SGCZ: variants seen among roughly 807,000 people sequenced by gnomAD.
The protein encoded by SGCZ is sarcoglycan zeta.
SGCZ carries 40 observed loss-of-function variants against 41.3 expected under a neutral mutation model. That is an observed-to-expected ratio of 0.97 (90% CI 0.75 to 1.26). The LOEUF is 1.26. SGCZ is among the 50% of genes most tolerant of loss of function. The pLI is 0.00. For synonymous variants in SGCZ, 206 were observed against 137.5 expected, an observed-to-expected ratio of 1.50 and a Z score of -3.49; for missense variants, 552 against 369.8, an observed-to-expected ratio of 1.49 and a Z score of -4.04.
intron 1 of SGCZ, among the ~76,000 whole-genome samples, chr8:14,730,191 A>C (rs919820382): frequency 6.6e-6 from 1 of 152,214 alleles, no homozygotes; most frequent in African/African-American, 2.4e-5. Flanking sequence ...GTGGGTGAGA[A>C]GTTTTCTGGA....
At chr8:14,456,341 G>A (rs924995640) in intron 2 of SGCZ, among the ~76,000 whole-genome samples, 1 of 152,182 alleles carries the variant, frequency 6.6e-6, no homozygotes, top group Non-Finnish European at 1.5e-5. Flanking sequence ...CCGGGAGGCA[G>A]AGGTTGCAGA....
intron 1 of SGCZ, among the ~76,000 whole-genome samples, chr8:14,804,939 A>C (rs1408696222): frequency 2.5e-4 from 19 of 75,902 alleles, no homozygotes; most frequent in East Asian, 4.4e-4. Context: ...ATTCTTAAAG[A>C]AAAGAATTTT....
At chr8:14,275,507 G>A (rs1800198741) in intron 3 of SGCZ, among the ~76,000 whole-genome samples, 1 of 152,054 alleles carries the variant, frequency 6.6e-6, no homozygotes, top group Admixed American at 6.6e-5. Context: ...TTCTCTGTTT[G>A]ATCACTCAGC....
At chr8:14,628,388 C>T (rs1806533885) in intron 1 of SGCZ, among the ~76,000 whole-genome samples, 1 of 151,982 alleles carries the variant, frequency 6.6e-6, no homozygotes, top group African/African-American at 2.4e-5. Context: ...TCTCCTGTTT[C>T]ACCTAGATGT....
chr8:14,691,427 A>G (rs1413543485), intron 1 of SGCZ, among the ~76,000 whole-genome samples: 2 of 152,112 alleles, frequency 1.3e-5, no homozygotes, highest in African/African-American at 4.8e-5. Context: ...AAAGAAAGAA[A>G]GTACCAAAGG....
intron 1 of SGCZ, among the ~76,000 whole-genome samples, chr8:15,183,128 G>A (rs891619743): frequency 1.3e-5 from 2 of 151,866 alleles, no homozygotes; most frequent in Non-Finnish European, 2.9e-5. Flanking sequence ...AATACCTCCT[G>A]AAGGACCTGC....
intron 1 of SGCZ, among the ~76,000 whole-genome samples, chr8:15,204,723 C>T (rs762230082): frequency 5.9e-5 from 9 of 152,088 alleles, no homozygotes; most frequent in Non-Finnish European, 8.8e-5. Context: ...TCATAAACAC[C>T]CCACATAATA....
chr8:15,094,248 C>A (rs1249843202), intron 1 of SGCZ, among the ~76,000 whole-genome samples: 3 of 152,128 alleles, frequency 2.0e-5, no homozygotes, highest in African/African-American at 7.2e-5. Context: ...AATCCTCCCA[C>A]CTCAGCCTCC....
intron 1 of SGCZ, among the ~76,000 whole-genome samples, chr8:15,038,237 G>C (rs947765338): frequency 6.6e-6 from 1 of 152,122 alleles, no homozygotes; most frequent in African/African-American, 2.4e-5. Context: ...AAAACAGCAT[G>C]GTAGTGGCAT....
chr8:14,382,501 A>G (rs190766585), intron 2 of SGCZ, among the ~76,000 whole-genome samples: 3 of 152,284 alleles, frequency 2.0e-5, no homozygotes, highest in Non-Finnish European at 4.4e-5. Context: ...GGATGATTAT[A>G]TATGAGTCAG....
At chr8:14,150,448 A>G (rs998282826) in intron 5 of SGCZ, among the ~76,000 whole-genome samples, 1 of 152,150 alleles carries the variant, frequency 6.6e-6, no homozygotes, top group African/African-American at 2.4e-5. Flanking sequence ...TTATGAGAAA[A>G]GCAAATCAAA....
At chr8:14,622,158 G>T (rs966317316) in intron 1 of SGCZ, among the ~76,000 whole-genome samples, 3 of 152,124 alleles carry the variant, frequency 2.0e-5, no homozygotes, top group African/African-American at 7.2e-5. Flanking sequence ...AGCTAGGAAA[G>T]GTAACTTACA....
intron 1 of SGCZ, among the ~76,000 whole-genome samples, chr8:14,833,898 G>C (rs545739183): frequency 6.6e-6 from 1 of 152,094 alleles, no homozygotes; most frequent in Non-Finnish European, 1.5e-5. Flanking sequence ...AAAAATTAAA[G>C]GTCAACAGTT....
At chr8:14,488,769 T>C (rs921996059) in intron 2 of SGCZ, among the ~76,000 whole-genome samples, 2 of 147,442 alleles carry the variant, frequency 1.4e-5, no homozygotes, top group Non-Finnish European at 3.0e-5. Context: ...TTCAGCAGAG[T>C]TGAATTCAAT....
At chr8:14,815,596 C>G (rs984877312) in intron 1 of SGCZ, among the ~76,000 whole-genome samples, 1 of 152,140 alleles carries the variant, frequency 6.6e-6, no homozygotes, top group African/African-American at 2.4e-5. Context: ...AATATTATCA[C>G]TAGTACCACA....
intron 4 of SGCZ, among the ~76,000 whole-genome samples, chr8:14,224,143 A>C (rs4831557): frequency 0.99 from 151,098 of 152,308 alleles, 74,967 homozygotes; most frequent in East Asian, 1. Context: ...AATGTACACA[A>C]GTTTGACTTT....
At chr8:14,472,913 C>T (rs1281465953) in intron 2 of SGCZ, among the ~76,000 whole-genome samples, 2 of 152,150 alleles carry the variant, frequency 1.3e-5, no homozygotes, top group South Asian at 2.1e-4. Context: ...TCACCCTAAA[C>T]CACAAAAGTT....
At chr8:14,559,237 A>T (rs1409856348) in intron 1 of SGCZ, among the ~76,000 whole-genome samples, 2 of 151,840 alleles carry the variant, frequency 1.3e-5, no homozygotes, top group Admixed American at 6.6e-5. Context: ...AACCCTAAAG[A>T]CCCCTCCAAA....
chr8:15,094,058 T>C (rs969180157), intron 1 of SGCZ, among the ~76,000 whole-genome samples: 3 of 152,094 alleles, frequency 2.0e-5, no homozygotes, highest in African/African-American at 7.2e-5. Context: ...TACATCTAAA[T>C]AGACTTCCCT....
Sources: gnomAD v4.1 joint callset for allele counts (sites outside exome capture counted in the v4.1 genomes callset) on GRCh38, gnomAD v4.1.1 for gene constraint, MANE v1.5 for transcripts, NCBI Gene and HGNC (gene_info 2026-07-23, HGNC 2026-07-21) for gene names.